The following GRIP1 variants were observed in gnomAD, a reference collection of about 807,000 sequenced individuals.
GRIP1 encodes glutamate receptor interacting protein 1.
Under a neutral mutation model 129.9 loss-of-function variants are expected in GRIP1, and 45 were observed. The ratio of observed to expected loss-of-function variants is 0.35; its 90% confidence interval spans 0.27 to 0.44. GRIP1 has a LOEUF of 0.44. Ranked by LOEUF, GRIP1 falls within the 20% of genes least tolerant of loss-of-function variation. GRIP1 has a pLI of 1.00. For missense variants in GRIP1, 1,196 were observed against 1,396.8 expected (o/e 0.86, Z 2.29); for synonymous variants, 530 against 520.8 (o/e 1.02, Z -0.24).
At chr12:66,603,538 C>T (rs1565902037) in intron 1 of GRIP1, among the ~76,000 whole-genome samples, 1 of 152,202 alleles carries the variant, frequency 6.6e-6, no homozygotes, top group Admixed American at 6.5e-5. Context: ...TTTGTATGCA[C>T]GTTCATGTTT....
Position 66,742,653 on chromosome 12 carries a change from T to C in GRIP1, c.-420+61400A>G, listed in dbSNP as rs368763287. 5.8e-4 allele frequency among the ~76,000 whole-genome samples: 88 copies of C among 152,066 alleles called. 1 individual carries two copies. Among genetic ancestry groups the C allele is most frequent in the African/African-American group, 2.0e-3 (83 of 41,494 alleles). ...GAAAAATGTTAAAAAAAAAAGTGCATTGCAAAGTTGTTTCAAGTGAGAGAT... is the reference window on the plus strand; with the variant it reads ...GAAAAATGTTAAAAAAAAAAGTGCACTGCAAAGTTGTTTCAAGTGAGAGAT... On this transcript the variant is annotated intron_variant, in intron 1 of 4. Transcript: ENST00000538373.
chr12:67,033,283 A>G (rs1490069944), intron 1 of GRIP1, among the ~76,000 whole-genome samples: 1 of 150,356 alleles, frequency 6.7e-6, no homozygotes, highest in African/African-American at 2.4e-5. Context: ...ATATATATAT[A>G]TATATATATA....
At chr12:66,485,288 G>C (rs926461030) in intron 7 of GRIP1, among the ~76,000 whole-genome samples, 2 of 152,056 alleles carry the variant, frequency 1.3e-5, no homozygotes, top group Non-Finnish European at 2.9e-5. Context: ...TAACGTAGTA[G>C]AGCAATTTTT....
intron 1 of GRIP1, among the ~76,000 whole-genome samples, chr12:66,710,216 G>A (rs1487159402): frequency 6.6e-6 from 1 of 151,984 alleles, no homozygotes; most frequent in East Asian, 1.9e-4. Flanking sequence ...AGTAGAAGAG[G>A]GCTGAATTAC....
At chr12:66,604,187 T>C (rs2064405304) in intron 1 of GRIP1, among the ~76,000 whole-genome samples, 1 of 152,160 alleles carries the variant, frequency 6.6e-6, no homozygotes, top group Admixed American at 6.5e-5. Flanking sequence ...CCCCGGAGCA[T>C]CTGGACAACC....
Position 66,859,260 on chromosome 12 carries a change from AAAAAAAAC to A in GRIP1, c.58+209782_58+209789del, listed in dbSNP as rs1165081869. ...ACTAGCATATTCTCCACATTTTCTG[AAAAAAAAC>A]AAAAAAACAAAAAAACAAAAAAACA... is the stretch of plus-strand genomic sequence containing the variant. On this transcript the variant is annotated intron_variant, in intron 1 of 1. Coordinates refer to the GRIP1 transcript ENST00000643019. Among the ~76,000 whole-genome samples, 120 of 68,238 alleles carry A rather than the reference AAAAAAAAC, an allele frequency of 1.8e-3. 1 individual carries two copies. The highest frequency in any genetic ancestry group is 4.5e-3 in the African/African-American group (116 of 26,024). 44.8% of individuals were successfully genotyped at this position (68,238 alleles called of 152,430 possible). A position where few individuals can be genotyped will look rare whatever the true frequency, so the allele number is the denominator to read the frequency against.
At chr12:67,010,269 G>A (rs2042685689) in intron 1 of GRIP1, among the ~76,000 whole-genome samples, 1 of 152,122 alleles carries the variant, frequency 6.6e-6, no homozygotes, top group South Asian at 2.1e-4. Flanking sequence ...CTGTTTCTGT[G>A]TTCAAACAAT....
chr12:66,889,841 T>C (rs947476133), intron 1 of GRIP1, among the ~76,000 whole-genome samples: 1 of 152,254 alleles, frequency 6.6e-6, no homozygotes, highest in South Asian at 2.1e-4. Context: ...GTGCCTAATA[T>C]ATGCCATGCA....
At chr12:66,441,951 G>C (rs763035215) in intron 13 of GRIP1, among the ~76,000 whole-genome samples, 2 of 151,952 alleles carry the variant, frequency 1.3e-5, no homozygotes, top group Admixed American at 6.6e-5. Flanking sequence ...GCTCTGCTTC[G>C]AGCCATGTCC....
rs893036075 is a variant in GRIP1 at position 66,655,000 on chromosome 12, G to T, written c.55+23850C>A. 2.6e-5 allele frequency among the ~76,000 whole-genome samples: 4 copies of T among 152,040 alleles called. No individual in the cohort carries two copies. In the East Asian group the frequency reaches 7.7e-4, roughly 29 times the overall value. On this transcript the variant is annotated intron_variant, in intron 1 of 24. Coordinates refer to ENST00000359742, the MANE Select transcript of GRIP1 (RefSeq NM_001366722.1). Reference sequence around the variant, plus strand: ...ATTTTCATTACCTCTTTAAAGTATTGTACGCAGGAACATGAAGAAGACATG... The same window carrying T: ...ATTTTCATTACCTCTTTAAAGTATTTTACGCAGGAACATGAAGAAGACATG...
intron 1 of GRIP1, among the ~76,000 whole-genome samples, chr12:66,864,493 A>AT (rs1212384965): frequency 6.6e-6 from 1 of 152,002 alleles, no homozygotes; most frequent in African/African-American, 2.4e-5. Flanking sequence ...AGGCAGTAGG[A>AT]TTGCTTGAGC....
intron 1 of GRIP1, among the ~76,000 whole-genome samples, chr12:66,602,963 C>T (rs1433721575): frequency 7.0e-6 from 1 of 143,864 alleles, no homozygotes; most frequent in Non-Finnish European, 1.5e-5. Flanking sequence ...AGCTCAAGTG[C>T]TCCTCCCACC....
chr12:66,492,026 C>T (rs1414099512), intron 7 of GRIP1, among the ~76,000 whole-genome samples: 1 of 152,172 alleles, frequency 6.6e-6, no homozygotes, highest in Non-Finnish European at 1.5e-5. Context: ...CAGTGTGTGC[C>T]AGCCTGAGAA....
chr12:66,566,217 C>T (rs887352109), intron 2 of GRIP1, among the ~76,000 whole-genome samples: 3 of 152,116 alleles, frequency 2.0e-5, no homozygotes, highest in Non-Finnish European at 4.4e-5. Flanking sequence ...AAAGGGAATG[C>T]TTCAGTTTTT....
intron 1 of GRIP1, among the ~76,000 whole-genome samples, chr12:67,042,498 T>C (rs577516500): frequency 6.6e-6 from 1 of 152,330 alleles, no homozygotes; most frequent in South Asian, 2.1e-4. Flanking sequence ...TCATTCTATT[T>C]CAACTCACAG....
chr12:67,027,506 G>T (rs773571240), intron 1 of GRIP1, among the ~76,000 whole-genome samples: 1 of 152,268 alleles, frequency 6.6e-6, no homozygotes, highest in African/African-American at 2.4e-5. Flanking sequence ...CTATAGTGAC[G>T]TGCAAAACCA....
intron 1 of GRIP1, among the ~76,000 whole-genome samples, chr12:66,656,349 A>T (rs558331015): frequency 6.6e-5 from 10 of 151,674 alleles, no homozygotes; most frequent in South Asian, 6.3e-4. Flanking sequence ...TTCCCATTTT[A>T]AAAAAAAACA....
At chr12:66,452,040 A>G (rs931883604) in intron 11 of GRIP1, among the ~76,000 whole-genome samples, 4 of 152,230 alleles carry the variant, frequency 2.6e-5, no homozygotes, top group African/African-American at 9.6e-5. Context: ...TGACAAAAGC[A>G]GCAAAGACCA....
intron 1 of GRIP1, among the ~76,000 whole-genome samples, chr12:66,599,465 C>T (rs1223888051): frequency 6.6e-6 from 1 of 152,168 alleles, no homozygotes; most frequent in Non-Finnish European, 1.5e-5. Context: ...AAGAGTGTCT[C>T]TTTATTTTAA....
Sources: allele counts gnomAD v4.1 joint callset (sites outside exome capture counted in the v4.1 genomes callset), GRCh38; gene constraint gnomAD v4.1.1; transcripts MANE v1.5; gene names NCBI Gene and HGNC (gene_info 2026-07-23, HGNC 2026-07-21).